Variants in PIK3C2G observed in about 807,000 individuals in gnomAD.
PIK3C2G encodes the protein phosphatidylinositol 3-kinase C2 domain-containing subunit gamma.
Under a neutral mutation model 181.1 loss-of-function variants are expected in PIK3C2G, and 168 were observed. The observed-to-expected ratio is 0.93, with a 90% CI of 0.82 to 1.05. PIK3C2G has a LOEUF of 1.05. Ranked by LOEUF, PIK3C2G falls within the 50% of genes least tolerant of loss-of-function variation. The pLI is 0.00. For synonymous variants in PIK3C2G, 573 were observed against 592.2 expected (o/e 0.97, Z 0.47); for missense variants, 1,869 against 1,732.8 (o/e 1.08, Z -1.40).
chr12:18,599,181 C>G (rs1304262809), intron 30 of PIK3C2G, among the ~76,000 whole-genome samples: 2 of 152,126 alleles, frequency 1.3e-5, no homozygotes, highest in Non-Finnish European at 2.9e-5. Context: ...TCATGCTGCT[C>G]TAAAGACACA....
intron 29 of PIK3C2G, among the ~76,000 whole-genome samples, chr12:18,574,952 A>G (rs1309272165): frequency 6.6e-6 from 1 of 152,180 alleles, no homozygotes; most frequent in Non-Finnish European, 1.5e-5. Context: ...ATATCAATGC[A>G]TATATACAAA....
chr12:18,413,808 C>T (rs1424100799), intron 16 of PIK3C2G, among the ~76,000 whole-genome samples: 1 of 152,042 alleles, frequency 6.6e-6, no homozygotes, highest in East Asian at 1.9e-4. Context: ...GATAACCTGG[C>T]TTGTGGAAAA....
chr12:18,363,342 G>A (rs940188945), intron 12 of PIK3C2G, among the ~76,000 whole-genome samples: 16 of 152,096 alleles, frequency 1.1e-4, no homozygotes, highest in Non-Finnish European at 2.1e-4. Flanking sequence ...ATCTATAGAT[G>A]TGTAAGCTTA....
At chr12:18,704,773 T>G in the PIK3C2G span, among the ~76,000 whole-genome samples, 1 of 152,098 alleles carries the variant, frequency 6.6e-6, no homozygotes, top group Admixed American at 6.6e-5. Flanking sequence ...AAAGAGTAGA[T>G]TTTTTAAAGG....
intron 8 of PIK3C2G, among the ~76,000 whole-genome samples, chr12:18,331,535 C>T (rs1488832445): frequency 2.0e-5 from 3 of 152,040 alleles, no homozygotes. Flanking sequence ...CTTGAAATCA[C>T]TTTTTATATC....
chr12:18,346,918 G>A (rs1939723315), intron 11 of PIK3C2G, 82 bp downstream of exon 11: 9 of 796,900 alleles, frequency 1.1e-5, no homozygotes, highest in Non-Finnish European at 1.7e-5. Flanking sequence ...GTTCTTATAT[G>A]CAGGAGCAAA....
At chr12:18,283,077 A>AT (rs1949293039) in intron 2 of PIK3C2G, among the ~76,000 whole-genome samples, 1 of 152,038 alleles carries the variant, frequency 6.6e-6, no homozygotes, top group Admixed American at 6.6e-5. Flanking sequence ...AACTGATAAT[A>AT]TTTTCTGTTT....
intron 28 of PIK3C2G, among the ~76,000 whole-genome samples, chr12:18,566,518 A>T (rs1357706774): frequency 6.6e-6 from 1 of 152,216 alleles, no homozygotes; most frequent in Admixed American, 6.5e-5. Context: ...AGATGGACGC[A>T]TATGTCACTT....
At chr12:18,665,893 C>T in the PIK3C2G span, among the ~76,000 whole-genome samples, 1 of 150,752 alleles carries the variant, frequency 6.6e-6, no homozygotes, top group Non-Finnish European at 1.5e-5. Flanking sequence ...CAAGATCGCG[C>T]CATTGTACTC....
At chr12:18,559,811 TATATATATATAGAGAGAGAGAGAG>T (rs1194379789) in intron 26 of PIK3C2G, among the ~76,000 whole-genome samples, 45 of 32,536 alleles carry the variant, frequency 1.4e-3, no homozygotes, top group South Asian at 6.2e-3. Context: ...TATATATATA[TATATATATATAGAGAGAGAGAGAG>T]AGAGAGAGAG....
chr12:18,701,248 G>C, the PIK3C2G span, among the ~76,000 whole-genome samples: 1 of 152,038 alleles, frequency 6.6e-6, no homozygotes, highest in African/African-American at 2.4e-5. Context: ...GCCTCCCAAA[G>C]TGCTGGGATT....
At chr12:18,297,107 C>G (rs7953518) in intron 5 of PIK3C2G, among the ~76,000 whole-genome samples, 3,122 of 152,042 alleles carry the variant, frequency 0.021, 109 homozygotes, top group African/African-American at 0.072. Context: ...GAATGTAGCA[C>G]AGATATGAGA....
Position 18,399,847 on chromosome 12 carries a change from G to C in PIK3C2G, c.2315G>C (p.Ser772Thr), listed in dbSNP as rs1944144669. 3 of 1,559,022 alleles carry C rather than the reference G, an allele frequency of 1.9e-6. No homozygotes were observed. The highest frequency in any genetic ancestry group is 2.7e-5 in the African/African-American group (2 of 73,882). ...PLEALGLLTS[S>T]FPDQEIRKVA... Reference sequence around the variant, plus strand: ...GAGGCTCTTGGGCTTTTGACTTCCAGGTAAGAATTGCATAACAAGCATGAT... The same window carrying C: ...GAGGCTCTTGGGCTTTTGACTTCCACGTAAGAATTGCATAACAAGCATGAT... The change falls in exon 16 of 33, where the codon AGT (serine) becomes ACT (threonine). Residue 772 changes from serine to threonine, a missense_variant and splice_region_variant. Coordinates refer to ENST00000538779, the MANE Select transcript of PIK3C2G (RefSeq NM_001288772.2).
At chr12:18,543,280 C>T (rs1944260894) in intron 25 of PIK3C2G, among the ~76,000 whole-genome samples, 1 of 151,898 alleles carries the variant, frequency 6.6e-6, no homozygotes, top group Non-Finnish European at 1.5e-5. Context: ...CTTATAGACG[C>T]TGGGTATTAG....
chr12:18,452,814 C>T (rs960769522), intron 18 of PIK3C2G, among the ~76,000 whole-genome samples: 7 of 152,094 alleles, frequency 4.6e-5, no homozygotes, highest in Non-Finnish European at 8.8e-5. Context: ...ACTTTAATTT[C>T]GTTATTTACC....
chr12:18,490,886 G>A (rs2136062517), intron 19 of PIK3C2G, among the ~76,000 whole-genome samples: 1 of 152,256 alleles, frequency 6.6e-6, no homozygotes, highest in East Asian at 1.9e-4. Flanking sequence ...GTGGAGTGTA[G>A]GAATGAGTAA....
chr12:18,246,526 T>A (rs1475171104), upstream of PIK3C2G, among the ~76,000 whole-genome samples: 1 of 152,040 alleles, frequency 6.6e-6, no homozygotes, highest in African/African-American at 2.4e-5. Context: ...TGGGTTAGAT[T>A]CCCGGATTTA....
the PIK3C2G span, among the ~76,000 whole-genome samples, chr12:18,657,268 A>G: frequency 6.6e-6 from 1 of 152,122 alleles, no homozygotes; most frequent in African/African-American, 2.4e-5. Context: ...GGGAAATGAG[A>G]TGTTTTGGGG....
chr12:18,375,628 T>C (rs73066508), intron 13 of PIK3C2G, among the ~76,000 whole-genome samples: 14,028 of 152,190 alleles, frequency 0.092, 1,003 homozygotes, highest in Admixed American at 0.25. Context: ...CTTAGACATA[T>C]CTGCATGACT....
Sources: allele counts gnomAD v4.1 joint callset (sites outside exome capture counted in the v4.1 genomes callset), GRCh38; gene constraint gnomAD v4.1.1; transcripts MANE v1.5; gene names NCBI Gene and HGNC (gene_info 2026-07-23, HGNC 2026-07-21).